SLC1A2: variants seen among roughly 807,000 people sequenced by gnomAD.
The protein encoded by SLC1A2 is solute carrier family 1 member 2, also known as excitatory amino acid transporter 2.
In SLC1A2, 15 loss-of-function variants were observed where a neutral mutation model predicts 48.8. The ratio of observed to expected loss-of-function variants is 0.31; its 90% CI spans 0.21 to 0.47. The LOEUF is 0.47. SLC1A2 is among the 20% of genes least tolerant of loss of function. The pLI is 0.99. For missense variants in SLC1A2, 502 were observed against 730.5 expected (o/e 0.69, Z 3.61); for synonymous variants, 279 against 272.6 (o/e 1.02, Z -0.23).
At chr11:35,360,772 T>C (rs1216299571) in intron 1 of SLC1A2, among the ~76,000 whole-genome samples, 2 of 152,218 alleles carry the variant, frequency 1.3e-5, no homozygotes, top group Admixed American at 1.3e-4. Context: ...CTAGTCTCCA[T>C]GTCACCTTCC....
At chr11:35,384,927 G>A (rs1217094997) in intron 1 of SLC1A2, among the ~76,000 whole-genome samples, 1 of 152,194 alleles carries the variant, frequency 6.6e-6, no homozygotes, top group African/African-American at 2.4e-5. Flanking sequence ...ACACAATTGT[G>A]TACCCAAAAA....
intron 1 of SLC1A2, among the ~76,000 whole-genome samples, chr11:35,325,679 C>T (rs1054642023): frequency 2.0e-5 from 3 of 152,070 alleles, no homozygotes; most frequent in Non-Finnish European, 2.9e-5. Flanking sequence ...AAAAAGCAGG[C>T]GGGCCAGGTG....
rs191948708 is a variant in SLC1A2, at chr11:35,299,957, C to T, written c.857+1562G>A. Among the ~76,000 whole-genome samples the T allele has an allele frequency of 1.2e-3, 190 of 152,180 alleles. 1 individual carries two copies. The highest frequency in any genetic ancestry group is 4.6e-3 in the African/African-American group (189 of 41,524). On this transcript the variant is annotated intron_variant, in intron 6 of 10. Transcript: ENST00000278379. ...AAGAGTGGTTTTATTTTTTTCTAGG[C>T]AGACATACAGGACCATCCTAGAGAT...
Position 35,286,790 on chromosome 11 carries a change from A to C in SLC1A2, c.1253T>G (p.Val418Gly), listed in dbSNP as rs1318827813. ...AAIFIAQMNGVVLDGGQIVTV... is the reference protein window; with the variant it reads ...AAIFIAQMNGGVLDGGQIVTV... Reference sequence around the variant, plus strand: ...CACAATCTGTCCTCCATCCAGGACAACACCATTCATTTGGGCTATAAAGAT... The same window carrying C: ...CACAATCTGTCCTCCATCCAGGACACCACCATTCATTTGGGCTATAAAGAT... The change falls in exon 8 of 11, where the codon GTT becomes GGT. Residue 418 changes from valine to glycine, a missense_variant. Val to Gly is a moderately radical substitution (Grantham distance 109). Coordinates refer to ENST00000278379, the MANE Select transcript of SLC1A2 (RefSeq NM_004171.4). 2.5e-6 allele frequency: 4 copies of C among 1,613,604 alleles called. No individual in the cohort carries two copies. The highest frequency in any genetic ancestry group is 1.3e-5 in the African/African-American group (1 of 74,896).
intron 1 of SLC1A2, chr11:35,352,501 C>G (rs1279397855): frequency 6.6e-6 from 1 of 152,014 alleles, no homozygotes; most frequent in Non-Finnish European, 1.5e-5. Context: ...CCAGAGGTCA[C>G]AGACAGAGAG....
At chr11:35,360,579 G>A (rs1474626600) in intron 1 of SLC1A2, among the ~76,000 whole-genome samples, 1 of 152,208 alleles carries the variant, frequency 6.6e-6, no homozygotes, top group East Asian at 1.9e-4. Flanking sequence ...AAATCCCAGT[G>A]TAGAAGAAAC....
At chr11:35,376,654 T>C (rs1327478922) in intron 1 of SLC1A2, among the ~76,000 whole-genome samples, 1 of 152,238 alleles carries the variant, frequency 6.6e-6, no homozygotes, top group African/African-American at 2.4e-5. Context: ...TCCACTTATG[T>C]ATGTGAATAA....
At chr11:35,414,009 C>A (rs1855538410) in intron 1 of SLC1A2, among the ~76,000 whole-genome samples, 1 of 152,154 alleles carries the variant, frequency 6.6e-6, no homozygotes, top group African/African-American at 2.4e-5. Flanking sequence ...TCCTAGAGAC[C>A]AGGATTGACA....
chr11:35,408,927 C>A (rs4144755), intron 1 of SLC1A2, among the ~76,000 whole-genome samples: 104,862 of 152,144 alleles, frequency 0.69, 36,689 homozygotes, highest in African/African-American at 0.81. Flanking sequence ...GAAAGAAAAG[C>A]AAGGCAATTT....
intron 10 of SLC1A2, chr11:35,261,749 A>G (rs1046705877): frequency 3.5e-5 from 14 of 398,442 alleles, no homozygotes; most frequent in Non-Finnish European, 5.8e-5. Context: ...GACTGGATTT[A>G]TGAAAGCATT....
At chr11:35,373,913 C>T (rs532952091) in intron 1 of SLC1A2, among the ~76,000 whole-genome samples, 1 of 152,330 alleles carries the variant, frequency 6.6e-6, no homozygotes, top group South Asian at 2.1e-4. Context: ...TTATTTAACC[C>T]TCACATGTAG....
chr11:35,382,441 G>T (rs1854458144), intron 1 of SLC1A2, among the ~76,000 whole-genome samples: 1 of 152,188 alleles, frequency 6.6e-6, no homozygotes, highest in Non-Finnish European at 1.5e-5. Context: ...GGAACATCAT[G>T]AATCCATTTC....
At chr11:35,330,791 C>T (rs1373934695) in intron 1 of SLC1A2, among the ~76,000 whole-genome samples, 1 of 152,200 alleles carries the variant, frequency 6.6e-6, no homozygotes, top group Non-Finnish European at 1.5e-5. Flanking sequence ...CTTCTAGAAA[C>T]TGGCAAAGGC....
intron 1 of SLC1A2, among the ~76,000 whole-genome samples, chr11:35,351,687 G>A (rs942730662): frequency 2.0e-5 from 3 of 152,000 alleles, no homozygotes; most frequent in Admixed American, 2.0e-4. Context: ...CCAGGCCAGA[G>A]TGCAGTGGCA....
At chr11:35,280,424 A>G (rs948269561) in intron 9 of SLC1A2, 3 of 153,184 alleles carry the variant, frequency 2.0e-5, no homozygotes, top group African/African-American at 7.2e-5. Context: ...CGGCCTCCAC[A>G]AGTGCTGGGA....
chr11:35,265,300 C>T (rs1043109341), intron 10 of SLC1A2: 30 of 555,140 alleles, frequency 5.4e-5, no homozygotes, highest in Admixed American at 1.1e-4. Context: ...ATCACATGGA[C>T]GAAATAAGCA....
chr11:35,340,282 G>T (rs1317246585), intron 1 of SLC1A2, among the ~76,000 whole-genome samples: 1 of 152,178 alleles, frequency 6.6e-6, no homozygotes, highest in Non-Finnish European at 1.5e-5. Flanking sequence ...GGCCACAAAG[G>T]CCTCTAGTCC....
In SLC1A2 at chr11:35,309,226, G is replaced by T. The variant is rs1851611433; in HGVS notation, c.561+2972C>A. 2.0e-5 allele frequency among the ~76,000 whole-genome samples: 3 copies of T among 152,066 alleles called. No homozygotes were observed. In the South Asian group the frequency reaches 6.2e-4, roughly 32 times the overall value. ...TCTCTTCTGTGTTTCCCTGATGTTT[G>T]TTTTGGTCTACCTCCCTCCCCTTTA... On this transcript the variant is annotated intron_variant, in intron 4 of 10. Coordinates refer to ENST00000278379, the MANE Select transcript of SLC1A2 (RefSeq NM_004171.4).
At chr11:35,291,553 C>T (rs11033057) in intron 7 of SLC1A2, 27,276 of 152,204 alleles carry the variant, frequency 0.18, 2,831 homozygotes, top group Admixed American at 0.26. Flanking sequence ...TGAGCTACTG[C>T]GCCCAGCCTA....
Sources: allele counts gnomAD v4.1 joint callset (sites outside exome capture counted in the v4.1 genomes callset), GRCh38; gene constraint gnomAD v4.1.1; transcripts MANE v1.5; gene names NCBI Gene and HGNC (gene_info 2026-07-23, HGNC 2026-07-21).